The following VPS54 variants were observed in gnomAD, a reference collection of about 807,000 sequenced individuals.
The protein encoded by VPS54 is VPS54 subunit of GARP complex.
A neutral mutation model predicts 121.5 loss-of-function variants in VPS54; 45 were observed. The observed-to-expected ratio is 0.37, with a 90% CI of 0.29 to 0.47. The LOEUF (loss-of-function observed/expected upper bound fraction) is 0.47. Among genes scored for constraint, VPS54 ranks in the 20% least tolerant of loss-of-function variants. The pLI is 0.99. For missense variants in VPS54, 1,090 were observed against 1,131.4 expected, an observed-to-expected ratio of 0.96 and a Z score of 0.52; for synonymous variants, 371 against 385.8, an observed-to-expected ratio of 0.96 and a Z score of 0.45.
intron 1 of VPS54, among the ~76,000 whole-genome samples, chr2:64,016,610 ATTTTT>A (rs34383340): frequency 2.2e-5 from 3 of 137,114 alleles, no homozygotes; most frequent in African/African-American, 2.7e-5. Context: ...TGAATTGTAT[ATTTTT>A]TTTTTTTTTT....
chr2:64,013,702 G>T lies in VPS54; in HGVS notation c.-21+5236C>A, dbSNP rs1345324496. Among the ~76,000 whole-genome samples, 3 of 144,862 alleles carry T rather than the reference G, an allele frequency of 2.1e-5. No homozygotes were observed. In the East Asian group the frequency reaches 5.9e-4, roughly 29 times the overall value. On this transcript the variant is annotated intron_variant, in intron 1 of 22. Transcript: ENST00000272322. ...TATTGATATATATCACATATATAGA[G>T]ATATATATATCATATAGAGAGATAT...
chr2:63,951,920 T>C (rs575316899), intron 7 of VPS54, among the ~76,000 whole-genome samples: 2 of 152,170 alleles, frequency 1.3e-5, no homozygotes, highest in Non-Finnish European at 2.9e-5. Context: ...ACTGGGTACA[T>C]TTATGATTGT....
At chr2:63,965,775 G>A (rs1675965004) in intron 6 of VPS54, 60 bp downstream of exon 6, 2 of 1,576,438 alleles carry the variant, frequency 1.3e-6, no homozygotes, top group Non-Finnish European at 1.7e-6. Flanking sequence ...CTGAACCCAA[G>A]CAAACAGTAC....
chr2:63,914,518 A>G (rs1033175738), intron 16 of VPS54, among the ~76,000 whole-genome samples: 3 of 152,334 alleles, frequency 2.0e-5, no homozygotes, highest in African/African-American at 7.2e-5. Flanking sequence ...ACTCTGTGCA[A>G]TTGCAGGATC....
In VPS54 at chr2:63,965,872, T is replaced by A. The variant is rs1675969982; in HGVS notation, c.587A>T (p.Asn196Ile). 17 of 1,612,746 alleles carry A rather than the reference T, an allele frequency of 1.1e-5. No individual in the cohort carries two copies. The highest frequency in any genetic ancestry group is 1.4e-5 in the Non-Finnish European group (16 of 1,179,664). Residue 196 changes from asparagine (N) to isoleucine (I), a missense_variant, in exon 6 of 23, where the codon AAT (asparagine) becomes ATT (isoleucine). Transcript: ENST00000272322. ...SHFNTAGGKG[N>I]RDAASSKLLQ... ...CAACTTTGAGGAAGCTGCATCACGA[T>A]TTCCTTTTCCACCAGCAGTATTAAA...
rs113036736 is a variant in VPS54, at chr2:63,917,273, A to G, written c.2165-310T>C. Among the ~76,000 whole-genome samples, 42 of 152,194 alleles carry G rather than the reference A, an allele frequency of 2.8e-4. 1 individual carries two copies. The highest frequency in any genetic ancestry group is 8.9e-4 in the African/African-American group (37 of 41,578). On this transcript the variant is annotated intron_variant, in intron 15 of 22. Coordinates refer to ENST00000272322, the MANE Select transcript of VPS54 (RefSeq NM_016516.3). ...ATCTTTCAGGGTTGTTGTTAATGGT[A>G]GAAATAATTATCACAAACTGCCTAT...
At chr2:63,957,213 C>A (rs1055978736) in intron 7 of VPS54, among the ~76,000 whole-genome samples, 2 of 152,040 alleles carry the variant, frequency 1.3e-5, no homozygotes, top group East Asian at 3.9e-4. Context: ...GAGGCCAAGG[C>A]GGGCGGATCA....
intron 20 of VPS54, among the ~76,000 whole-genome samples, chr2:63,911,806 C>T (rs1308326121): frequency 6.6e-6 from 1 of 152,180 alleles, no homozygotes; most frequent in East Asian, 1.9e-4. Context: ...GGCTTTCCCA[C>T]TAAGACGTGA....
chr2:63,943,603 C>A (rs1440551656), intron 10 of VPS54, among the ~76,000 whole-genome samples: 1 of 152,140 alleles, frequency 6.6e-6, no homozygotes, highest in Non-Finnish European at 1.5e-5. Flanking sequence ...TATTGCTAGT[C>A]ATATCTAAGC....
rs1304563630 is a variant in VPS54, at chr2:64,019,036, CCGCCCGG to C, written c.-126_-120del. 2.6e-5 allele frequency: 4 copies of C among 151,112 alleles called. No homozygotes were observed. Among genetic ancestry groups the C allele is most frequent in the African/African-American group, 9.7e-5 (4 of 41,078 alleles). The allele number at this position is 151,112 out of a possible 1,614,324, so 9.4% of individuals were successfully genotyped here. A position where few individuals can be genotyped will look rare whatever the true frequency, so the allele number is the denominator to read the frequency against. ...CGAGGCTGCTGCTCCACGGCCGCCG[CCGCCCGG>C]CGCCCGGCCGGGCCCGAGCCCGGGT... is the stretch of plus-strand genomic sequence containing the variant. On this transcript the variant is annotated 5_prime_UTR_variant, in exon 1 of 23. Coordinates refer to ENST00000272322, the MANE Select transcript of VPS54 (RefSeq NM_016516.3).
At chr2:63,897,456 T>G in intron 22 of VPS54, 40 bp downstream of exon 22, 1 of 1,336,940 alleles carries the variant, frequency 7.5e-7, no homozygotes, top group African/African-American at 1.5e-5. Flanking sequence ...TTAAAACAAT[T>G]CGATATGGGA....
rs1398491771 is a variant in VPS54, at chr2:63,901,716, A to G, written c.2626-2135T>C. Reference sequence around the variant, plus strand: ...GGGGTCACGGTGTGAAGCCAGGAACAAAACATGCCTGCTCCTGGGCCGGGC... The same window carrying G: ...GGGGTCACGGTGTGAAGCCAGGAACGAAACATGCCTGCTCCTGGGCCGGGC... On this transcript the variant is annotated intron_variant, in intron 20 of 22. Coordinates refer to ENST00000272322, the MANE Select transcript of VPS54 (RefSeq NM_016516.3). 2.6e-5 allele frequency among the ~76,000 whole-genome samples: 4 copies of G among 152,188 alleles called. No individual in the cohort carries two copies. In the East Asian group the frequency reaches 7.7e-4, roughly 29 times the overall value.
chr2:63,997,216 G>A (rs542529969), intron 1 of VPS54, among the ~76,000 whole-genome samples: 22 of 152,156 alleles, frequency 1.4e-4, no homozygotes, highest in South Asian at 4.2e-4. Context: ...TACTGCCCTC[G>A]TAGAATGAGT....
chr2:63,923,264 C>T (rs1041089414), intron 12 of VPS54, among the ~76,000 whole-genome samples: 4 of 150,470 alleles, frequency 2.7e-5, no homozygotes, highest in South Asian at 2.1e-4. Context: ...TGCAGTGAGC[C>T]GAGATCGCAC....
intron 11 of VPS54, among the ~76,000 whole-genome samples, chr2:63,936,076 C>G (rs572337883): frequency 6.6e-6 from 1 of 152,262 alleles, no homozygotes; most frequent in South Asian, 2.1e-4. Flanking sequence ...GCATGAAGCC[C>G]TTCCTAGTCT....
intron 20 of VPS54, among the ~76,000 whole-genome samples, chr2:63,907,898 C>CA (rs1179473621): frequency 6.6e-6 from 1 of 152,076 alleles, no homozygotes; most frequent in Admixed American, 6.5e-5. Context: ...AGAGGACGAA[C>CA]ATTAAAAAAT....
chr2:63,895,210 C>G (rs758873157), intron 22 of VPS54, among the ~76,000 whole-genome samples: 1 of 152,098 alleles, frequency 6.6e-6, no homozygotes, highest in African/African-American at 2.4e-5. Flanking sequence ...AATCCCAGCA[C>G]TTTGGGAGGC....
intron 22 of VPS54, among the ~76,000 whole-genome samples, chr2:63,894,179 T>C (rs985118073): frequency 6.6e-6 from 1 of 152,174 alleles, no homozygotes; most frequent in African/African-American, 2.4e-5. Context: ...TGAAAAGATG[T>C]GGGAAACAAA....
intron 1 of VPS54, among the ~76,000 whole-genome samples, chr2:63,988,840 G>C (rs918841299): frequency 1.2e-4 from 19 of 152,122 alleles, no homozygotes; most frequent in Non-Finnish European, 2.5e-4. Context: ...GATGTTCAGG[G>C]AACAAGGGAG....
Sources: gnomAD v4.1 joint callset for allele counts (sites outside exome capture counted in the v4.1 genomes callset) on GRCh38, gnomAD v4.1.1 for gene constraint, MANE v1.5 for transcripts, NCBI Gene and HGNC (gene_info 2026-07-23, HGNC 2026-07-21) for gene names.